The following RLN2 variants were observed in gnomAD, a reference collection of about 807,000 sequenced individuals.
The protein encoded by RLN2 is relaxin 2.
RLN2 carries 10 observed loss-of-function variants against 7.3 expected under a neutral mutation model. The observed-to-expected ratio is 1.36, with a 90% confidence interval of 0.84 to 2.31. The LOEUF (loss-of-function observed/expected upper bound fraction) is 2.31, where lower values mean the gene tolerates loss of function less well. RLN2 is among the 30% of genes most tolerant of loss of function. The probability of loss-of-function intolerance (pLI) is 0.00; values close to 1 mark genes in which losing one functional copy is unlikely to be tolerated. For missense variants in RLN2, 298 were observed against 217.6 expected, an observed-to-expected ratio of 1.37 and a Z score of -2.32; for synonymous variants, 103 against 82.3, an observed-to-expected ratio of 1.25 and a Z score of -1.36.
chr9:5,334,874 T>C, the RLN2 span: 1 of 162,012 alleles, frequency 6.2e-6, no homozygotes, highest in African/African-American at 2.4e-5. Flanking sequence ...TGTATGGCTT[T>C]ATGTATATCC....
chr9:5,301,171 G>C (rs1197284208), intron 1 of RLN2, among the ~76,000 whole-genome samples: 3 of 152,180 alleles, frequency 2.0e-5, no homozygotes, highest in Non-Finnish European at 4.4e-5. Context: ...AATGTTTTCT[G>C]TTTGATATTT....
the RLN2 span, among the ~76,000 whole-genome samples, chr9:5,331,856 C>G: frequency 6.6e-6 from 1 of 151,820 alleles, no homozygotes; most frequent in Non-Finnish European, 1.5e-5. Context: ...CTGGTGCAAC[C>G]TCTTTGGAGG....
the RLN2 span, among the ~76,000 whole-genome samples, chr9:5,325,943 G>A: frequency 6.6e-6 from 1 of 151,864 alleles, no homozygotes; most frequent in African/African-American, 2.4e-5. Context: ...GTAACACACT[G>A]GAAAGTTCTT....
upstream of RLN2, among the ~76,000 whole-genome samples, chr9:5,306,092 CTTTGTTTTTGTTT>C (rs1240851381): frequency 7.9e-6 from 1 of 126,126 alleles, no homozygotes; most frequent in Admixed American, 7.6e-5. Context: ...CCAGGGATTT[CTTTGTTTTTGTTT>C]TTTGTTTTTT....
chr9:5,311,224 C>G, the RLN2 span, among the ~76,000 whole-genome samples: 1 of 151,510 alleles, frequency 6.6e-6, no homozygotes, highest in African/African-American at 2.4e-5. Flanking sequence ...AGGTCAAAAC[C>G]AAGATATTTT....
At chr9:5,313,385 C>G in the RLN2 span, among the ~76,000 whole-genome samples, 5 of 152,014 alleles carry the variant, frequency 3.3e-5, no homozygotes, top group East Asian at 9.7e-4. Context: ...AGCATAGCTA[C>G]CACTGATTTC....
At chr9:5,313,867 G>C in the RLN2 span, among the ~76,000 whole-genome samples, 2 of 151,982 alleles carry the variant, frequency 1.3e-5, no homozygotes, top group Non-Finnish European at 2.9e-5. Flanking sequence ...AAACTCTGTA[G>C]TGTGCAGAAA....
At chr9:5,312,681 A>G in the RLN2 span, among the ~76,000 whole-genome samples, 1 of 151,870 alleles carries the variant, frequency 6.6e-6, no homozygotes, top group African/African-American at 2.4e-5. Flanking sequence ...ATGATTGTTT[A>G]TGGAGAGTAT....
chr9:5,316,613 G>A, the RLN2 span, among the ~76,000 whole-genome samples: 1 of 152,014 alleles, frequency 6.6e-6, no homozygotes, highest in Non-Finnish European at 1.5e-5. Flanking sequence ...TCCCTGCAAA[G>A]GACATGAGCT....
chr9:5,319,540 C>T, the RLN2 span, among the ~76,000 whole-genome samples: 2 of 151,930 alleles, frequency 1.3e-5, no homozygotes, highest in South Asian at 2.1e-4. Context: ...TAAATTCATG[C>T]ACAAATACAT....
chr9:5,323,049 T>C, the RLN2 span, among the ~76,000 whole-genome samples: 37,309 of 151,244 alleles, frequency 0.25, 5,054 homozygotes, highest in East Asian at 0.41. Flanking sequence ...TACTCATAGA[T>C]AACTTTTTCT....
the RLN2 span, among the ~76,000 whole-genome samples, chr9:5,327,923 G>C: frequency 9.2e-5 from 14 of 152,088 alleles, no homozygotes; most frequent in East Asian, 2.5e-3. Flanking sequence ...CAACATCAAA[G>C]ACCAAAAGTA....
chr9:5,311,580 C>A, the RLN2 span: 5 of 844,162 alleles, frequency 5.9e-6, no homozygotes, highest in East Asian at 7.3e-5. Context: ...AACGCCCATG[C>A]AAAGACAGGA....
the RLN2 span, chr9:5,335,440 A>G: frequency 6.2e-7 from 1 of 1,613,752 alleles, no homozygotes; most frequent in Non-Finnish European, 8.5e-7. Flanking sequence ...CAAAGCTAAG[A>G]TTGGAATCCT....
chr9:5,326,695 A>G, the RLN2 span, among the ~76,000 whole-genome samples: 1 of 152,076 alleles, frequency 6.6e-6, no homozygotes, highest in Non-Finnish European at 1.5e-5. Context: ...GACTATTTTT[A>G]GCGTTCTTGT....
At chr9:5,329,060 T>A in the RLN2 span, among the ~76,000 whole-genome samples, 2 of 151,492 alleles carry the variant, frequency 1.3e-5, no homozygotes, top group East Asian at 3.9e-4. Flanking sequence ...TCCCAACACT[T>A]TGGGAGGCCG....
chr9:5,320,975 T>G, the RLN2 span, among the ~76,000 whole-genome samples: 1 of 152,074 alleles, frequency 6.6e-6, no homozygotes, highest in Non-Finnish European at 1.5e-5. Context: ...GCACTTCATT[T>G]TCAGTGAGTT....
chr9:5,316,037 T>C, the RLN2 span, among the ~76,000 whole-genome samples: 4 of 151,980 alleles, frequency 2.6e-5, no homozygotes, highest in South Asian at 4.2e-4. Context: ...GGTAAATACA[T>C]AGTCAAATCC....
At chr9:5,301,779 G>C (rs907685751) in intron 1 of RLN2, among the ~76,000 whole-genome samples, 4 of 152,072 alleles carry the variant, frequency 2.6e-5, no homozygotes, top group Non-Finnish European at 5.9e-5. Context: ...AAGAGATTCA[G>C]TTGTTCCCCT....
Sources: allele counts gnomAD v4.1 joint callset (sites outside exome capture counted in the v4.1 genomes callset), GRCh38; gene constraint gnomAD v4.1.1; transcripts MANE v1.5; gene names NCBI Gene and HGNC (gene_info 2026-07-23, HGNC 2026-07-21).